Variants in FSTL5 observed in about 807,000 individuals in gnomAD.
The protein encoded by FSTL5 is follistatin like 5, also known as follistatin-related protein 5.
A neutral mutation model predicts 89.1 loss-of-function variants in FSTL5; 62 were observed. The ratio of observed to expected loss-of-function variants is 0.70; its 90% CI spans 0.57 to 0.86. FSTL5 has a LOEUF of 0.86. Among genes scored for constraint, FSTL5 ranks in the 40% least tolerant of loss-of-function variants. The probability of loss-of-function intolerance (pLI) is 0.00; values close to 1 mark genes in which losing one functional copy is unlikely to be tolerated. For synonymous variants in FSTL5, 383 were observed against 346.2 expected, an observed-to-expected ratio of 1.11 and a Z score of -1.18; for missense variants, 1,057 against 1,001.6, an observed-to-expected ratio of 1.06 and a Z score of -0.75.
chr4:161,859,165 C>A (rs1187459135), intron 4 of FSTL5, among the ~76,000 whole-genome samples: 3 of 152,082 alleles, frequency 2.0e-5, no homozygotes, highest in Non-Finnish European at 2.9e-5. Context: ...TACTGTGGTG[C>A]CTGGAAATTT....
chr4:161,976,659 T>A (rs149030204), intron 3 of FSTL5, among the ~76,000 whole-genome samples: 8,009 of 152,034 alleles, frequency 0.053, 262 homozygotes, highest in Middle Eastern at 0.16. Context: ...TTTTTTGTAT[T>A]TTTAGTAGAG....
intron 13 of FSTL5, among the ~76,000 whole-genome samples, chr4:161,477,687 T>C (rs1262926476): frequency 6.6e-6 from 1 of 151,832 alleles, no homozygotes; most frequent in East Asian, 1.9e-4. Flanking sequence ...AAACTATTAT[T>C]TAACATATAC....
At chr4:161,620,578 C>G (rs1298379628) in intron 7 of FSTL5, among the ~76,000 whole-genome samples, 2 of 152,096 alleles carry the variant, frequency 1.3e-5, no homozygotes, top group Non-Finnish European at 2.9e-5. Flanking sequence ...ATCGCTTGAA[C>G]GCGAAGGGTG....
intron 3 of FSTL5, among the ~76,000 whole-genome samples, chr4:161,946,914 T>C (rs926427026): frequency 6.6e-6 from 1 of 152,196 alleles, no homozygotes; most frequent in African/African-American, 2.4e-5. Flanking sequence ...TTTTAGCCAC[T>C]GTAGTGGATG....
At position 162,027,938 on chromosome 4, in the gene FSTL5, A is replaced by C. The variant is rs185320903; in HGVS notation, c.160+5687T>G. On this transcript the variant is annotated intron_variant, in intron 3 of 15. Transcript: ENST00000306100. ...AAATAGAATTGTTCTCATAGAATGCAATTGCTATGACATAAAAATTATAGT... is the reference window on the plus strand; with the variant it reads ...AAATAGAATTGTTCTCATAGAATGCCATTGCTATGACATAAAAATTATAGT... Among the ~76,000 whole-genome samples the C allele has an allele frequency of 2.6e-5, 4 of 152,260 alleles. No individual in the cohort carries two copies. In the East Asian group the frequency reaches 7.7e-4, roughly 29 times the overall value.
At chr4:162,114,918 A>T (rs970026392) in intron 1 of FSTL5, among the ~76,000 whole-genome samples, 2 of 152,178 alleles carry the variant, frequency 1.3e-5, no homozygotes, top group African/African-American at 4.8e-5. Context: ...CAGTAATACA[A>T]AGTTATACAA....
rs545791701 is a variant in FSTL5, at chr4:162,131,077, G to C, written c.-16-19665C>G. On this transcript the variant is annotated intron_variant, in intron 1 of 15. Coordinates refer to ENST00000306100, the MANE Select transcript of FSTL5 (RefSeq NM_020116.5). ...AATTAGAACACAAATTATGCTCATT[G>C]CAAATGTGGTGGTCCAATGGGTTTA... Among the ~76,000 whole-genome samples, 121 of 152,246 alleles carry C rather than the reference G, an allele frequency of 7.9e-4. 1 individual carries two copies. The highest frequency in any genetic ancestry group is 2.9e-3 in the African/African-American group (120 of 41,562).
intron 3 of FSTL5, among the ~76,000 whole-genome samples, chr4:161,991,755 C>A (rs1170800080): frequency 6.6e-6 from 1 of 151,980 alleles, no homozygotes; most frequent in Non-Finnish European, 1.5e-5. Context: ...CCTGCAAATG[C>A]GGAGGGATGA....
At chr4:161,943,308 G>T (rs2110929338) in intron 3 of FSTL5, among the ~76,000 whole-genome samples, 1 of 151,806 alleles carries the variant, frequency 6.6e-6, no homozygotes, top group South Asian at 2.1e-4. Flanking sequence ...TAGTTTCAAT[G>T]CTAAGAAGTT....
At chr4:161,490,139 T>C (rs1729814824) in intron 12 of FSTL5, among the ~76,000 whole-genome samples, 1 of 152,156 alleles carries the variant, frequency 6.6e-6, no homozygotes, top group African/African-American at 2.4e-5. Context: ...GAATTTCTAA[T>C]ATTATTGTGG....
intron 8 of FSTL5, among the ~76,000 whole-genome samples, chr4:161,561,389 TGA>T (rs754967529): frequency 6.6e-5 from 10 of 151,888 alleles, no homozygotes; most frequent in Non-Finnish European, 1.5e-4. Flanking sequence ...AAATGGAAAG[TGA>T]GAGAATAGGT....
At chr4:162,157,350 A>G (rs939619550) in intron 1 of FSTL5, among the ~76,000 whole-genome samples, 2 of 152,194 alleles carry the variant, frequency 1.3e-5, no homozygotes, top group Admixed American at 1.3e-4. Flanking sequence ...TAGGGATGAG[A>G]TCATGAGTTC....
intron 2 of FSTL5, among the ~76,000 whole-genome samples, chr4:162,072,853 G>T (rs1452901116): frequency 6.6e-6 from 1 of 151,688 alleles, no homozygotes; most frequent in Non-Finnish European, 1.5e-5. Context: ...CCCTAATTGG[G>T]GTGGACCTCA....
intron 2 of FSTL5, among the ~76,000 whole-genome samples, chr4:162,089,836 A>G (rs930402163): frequency 6.6e-6 from 1 of 152,142 alleles, no homozygotes; most frequent in African/African-American, 2.4e-5. Context: ...TTATAAAATT[A>G]CATTTCATTA....
chr4:161,992,840 T>C (rs1736151640), intron 3 of FSTL5, among the ~76,000 whole-genome samples: 2 of 64,502 alleles, frequency 3.1e-5, no homozygotes, highest in African/African-American at 1.2e-4. Flanking sequence ...AGAGTGAAAC[T>C]CCATCTCAAA....
intron 8 of FSTL5, among the ~76,000 whole-genome samples, chr4:161,564,423 G>A (rs1377257172): frequency 1.3e-5 from 2 of 150,586 alleles, no homozygotes; most frequent in African/African-American, 2.4e-5. Context: ...ATCAATAGAT[G>A]GCACTACTAT....
intron 3 of FSTL5, among the ~76,000 whole-genome samples, chr4:161,989,696 A>G (rs1233816505): frequency 1.3e-5 from 2 of 152,162 alleles, no homozygotes; most frequent in African/African-American, 4.8e-5. Flanking sequence ...ATAGGGACAG[A>G]GAATGGTGAG....
chr4:162,087,136 C>T (rs2111347578), intron 2 of FSTL5, among the ~76,000 whole-genome samples: 1 of 152,160 alleles, frequency 6.6e-6, no homozygotes, highest in Non-Finnish European at 1.5e-5. Context: ...TTTTCACCAA[C>T]ACGACTACCT....
chr4:162,054,422 G>A (rs916293521), intron 2 of FSTL5, among the ~76,000 whole-genome samples: 2 of 151,634 alleles, frequency 1.3e-5, no homozygotes, highest in East Asian at 1.9e-4. Flanking sequence ...CAACTTGCTG[G>A]CAATTTCAAA....
Sources: allele counts gnomAD v4.1 joint callset (sites outside exome capture counted in the v4.1 genomes callset), GRCh38; gene constraint gnomAD v4.1.1; transcripts MANE v1.5; gene names NCBI Gene and HGNC (gene_info 2026-07-23, HGNC 2026-07-21).